AGFG1: variants seen among roughly 807,000 people sequenced by gnomAD.
The protein encoded by AGFG1 is ArfGAP with FG repeats 1.
AGFG1 carries 10 observed loss-of-function variants against 60.6 expected under a neutral mutation model. That is an observed-to-expected ratio of 0.16 (90% CI 0.10 to 0.28). The LOEUF (loss-of-function observed/expected upper bound fraction) is 0.28, where lower values mean the gene tolerates loss of function less well. AGFG1 is among the 10% of genes least tolerant of loss of function. AGFG1 has a pLI of 1.00. For synonymous variants in AGFG1, 247 were observed against 242.9 expected, an observed-to-expected ratio of 1.02 and a Z score of -0.16; for missense variants, 537 against 676.5, an observed-to-expected ratio of 0.79 and a Z score of 2.29.
intron 10 of AGFG1, among the ~76,000 whole-genome samples, chr2:227,540,502 G>A (rs1395970970): frequency 6.6e-5 from 10 of 152,026 alleles, no homozygotes; most frequent in South Asian, 2.1e-4. Flanking sequence ...AGCTTCATCC[G>A]TGTGCCTACA....
chr2:227,508,782 C>T, intron 2 of AGFG1: 2 of 386,804 alleles, frequency 5.2e-6, no homozygotes, highest in South Asian at 2.0e-5. Flanking sequence ...AAATTATTTA[C>T]TGTTTGTAAA....
At chr2:227,540,844 C>G (rs1243835215) in intron 10 of AGFG1, among the ~76,000 whole-genome samples, 4 of 152,194 alleles carry the variant, frequency 2.6e-5, no homozygotes, top group Admixed American at 2.0e-4. Flanking sequence ...TCTCCACATC[C>G]TCTCCAGCAT....
chr2:227,485,425 A>G (rs573004138), intron 1 of AGFG1, among the ~76,000 whole-genome samples: 4 of 140,576 alleles, frequency 2.8e-5, no homozygotes, highest in South Asian at 2.2e-4. Flanking sequence ...TTTTTTTTCC[A>G]GTAGAGATGG....
chr2:227,554,227 G>A (rs1010130217), intron 12 of AGFG1, among the ~76,000 whole-genome samples: 39 of 152,122 alleles, frequency 2.6e-4, no homozygotes, highest in African/African-American at 9.2e-4. Context: ...ACTGTTTGAA[G>A]TACTGGATAT....
At chr2:227,519,335 T>G (rs1691757016) in intron 2 of AGFG1, among the ~76,000 whole-genome samples, 1 of 152,230 alleles carries the variant, frequency 6.6e-6, no homozygotes, top group South Asian at 2.1e-4. Flanking sequence ...TAGTTTTTTA[T>G]TTTGATGAAG....
chr2:227,507,527 C>T (rs978474628), intron 2 of AGFG1, among the ~76,000 whole-genome samples: 10 of 129,956 alleles, frequency 7.7e-5, no homozygotes, highest in East Asian at 2.6e-4. Context: ...GGCATGAACC[C>T]GGGAGGCGGA....
intron 3 of AGFG1, 120 bp downstream of exon 3, chr2:227,520,183 A>G (rs972666096): frequency 8.6e-6 from 5 of 580,744 alleles, no homozygotes; most frequent in Non-Finnish European, 1.5e-5. Context: ...TAGGTATATA[A>G]TTCATTATCC....
intron 10 of AGFG1, among the ~76,000 whole-genome samples, chr2:227,544,501 A>G (rs370107723): frequency 6.6e-6 from 1 of 152,260 alleles, no homozygotes; most frequent in Admixed American, 6.5e-5. Context: ...TCCTGTCATT[A>G]TGATGTTAGC....
intron 2 of AGFG1, among the ~76,000 whole-genome samples, chr2:227,500,270 C>T (rs1159301308): frequency 6.6e-6 from 1 of 152,218 alleles, no homozygotes; most frequent in African/African-American, 2.4e-5. Flanking sequence ...CCCACTACTT[C>T]CCCAAGGACA....
chr2:227,495,430 C>G (rs1001926977), intron 2 of AGFG1, among the ~76,000 whole-genome samples: 1 of 151,576 alleles, frequency 6.6e-6, no homozygotes, highest in African/African-American at 2.4e-5. Flanking sequence ...TCTGTAGTCC[C>G]GGCTACCCAG....
chr2:227,478,491 G>A (rs541569063), intron 1 of AGFG1, among the ~76,000 whole-genome samples: 43 of 151,916 alleles, frequency 2.8e-4, no homozygotes, highest in African/African-American at 9.4e-4. Flanking sequence ...CTACAGGCGC[G>A]TGCCACCATG....
At chr2:227,480,628 TA>T in intron 1 of AGFG1, among the ~76,000 whole-genome samples, 1 of 151,662 alleles carries the variant, frequency 6.6e-6, no homozygotes, top group South Asian at 2.1e-4. Context: ...GGTACTTTTA[TA>T]ATCTTCTGCT....
At position 227,560,035 on chromosome 2, in the gene AGFG1, G is replaced by A. The variant is rs1434551635; in HGVS notation, c.*5540G>A. 1 of 152,158 alleles carries A rather than the reference G, an allele frequency of 6.6e-6. No individual in the cohort carries two copies. Among genetic ancestry groups the A allele is most frequent in the Middle Eastern group, 3.4e-3 (1 of 294 alleles). 9.4% of individuals were successfully genotyped at this position (152,158 alleles called of 1,614,324 possible). A position where few individuals can be genotyped will look rare whatever the true frequency, so the allele number is the denominator to read the frequency against. The stretch of plus-strand genomic sequence containing the variant: ...GAGGCATATAATTTCTTGTATTCTT[G>A]TGTAGTCTTTAAGAAATGTTATCGT... On this transcript the variant is annotated 3_prime_UTR_variant, in exon 13 of 13. Coordinates refer to ENST00000310078, the MANE Select transcript of AGFG1 (RefSeq NM_004504.5).
chr2:227,546,837 T>G (rs1489515671), intron 10 of AGFG1, among the ~76,000 whole-genome samples: 1 of 152,206 alleles, frequency 6.6e-6, no homozygotes, highest in Non-Finnish European at 1.5e-5. Context: ...GAATGGATAG[T>G]CATTATTTCC....
chr2:227,504,393 A>G (rs906633812), intron 2 of AGFG1, among the ~76,000 whole-genome samples: 3 of 151,992 alleles, frequency 2.0e-5, no homozygotes, highest in Non-Finnish European at 2.9e-5. Flanking sequence ...GAGCTTCACT[A>G]TGTTGCCCAG....
At chr2:227,513,568 A>G (rs945904044) in intron 2 of AGFG1, among the ~76,000 whole-genome samples, 6 of 152,208 alleles carry the variant, frequency 3.9e-5, no homozygotes, top group African/African-American at 1.4e-4. Context: ...GGGTAGTGAT[A>G]TGCCCTGCTG....
chr2:227,544,149 T>C (rs1284182287), intron 10 of AGFG1, among the ~76,000 whole-genome samples: 3 of 25,338 alleles, frequency 1.2e-4, no homozygotes, highest in Admixed American at 4.8e-4. Context: ...TCTGTGTCTT[T>C]TTTTTTTTTT....
rs181410127 is a variant in AGFG1, at chr2:227,515,966, C to G, written c.262-3982C>G. 4.1e-4 allele frequency among the ~76,000 whole-genome samples: 63 copies of G among 152,292 alleles called. No homozygotes were observed. The East Asian group carries it at 0.011, about 27-fold the overall frequency. On this transcript the variant is annotated intron_variant, in intron 2 of 12. Coordinates refer to ENST00000310078, the MANE Select transcript of AGFG1 (RefSeq NM_004504.5). ...GATTGATGTTTTCCCAGGTGTGTCACTGAAACACTGTCTGTGTTAAATGAA... is the reference window on the plus strand; with the variant it reads ...GATTGATGTTTTCCCAGGTGTGTCAGTGAAACACTGTCTGTGTTAAATGAA...
intron 2 of AGFG1, among the ~76,000 whole-genome samples, chr2:227,519,009 C>CA (rs1240175032): frequency 2.6e-5 from 4 of 152,010 alleles, no homozygotes; most frequent in Non-Finnish European, 4.4e-5. Flanking sequence ...ACCATCTCTA[C>CA]AAAAAATACA....
Sources: gnomAD v4.1 joint callset for allele counts (sites outside exome capture counted in the v4.1 genomes callset) on GRCh38, gnomAD v4.1.1 for gene constraint, MANE v1.5 for transcripts, NCBI Gene and HGNC (gene_info 2026-07-23, HGNC 2026-07-21) for gene names.